The following SMCHD1 variants were observed in gnomAD, a reference collection of about 807,000 sequenced individuals.
SMCHD1 encodes structural maintenance of chromosomes flexible hinge domain containing 1.
In SMCHD1, 78 loss-of-function variants were observed where a neutral mutation model predicts 254.7. That is an observed-to-expected ratio of 0.31 (90% CI 0.26 to 0.37). SMCHD1 has a LOEUF of 0.37. SMCHD1 is among the 10% of genes least tolerant of loss of function. The pLI, the probability that SMCHD1 is intolerant of heterozygous loss-of-function variation, is 1.00. For missense variants in SMCHD1, 1,840 were observed against 2,408.1 expected (o/e 0.76, Z 4.94); for synonymous variants, 766 against 794.9 (o/e 0.96, Z 0.61).
At chr18:2,727,271 A>G (rs998272798) in intron 22 of SMCHD1, 2 of 152,140 alleles carry the variant, frequency 1.3e-5, no homozygotes, top group Non-Finnish European at 2.9e-5. Flanking sequence ...TAACTCTCAT[A>G]TGAAAGATAC....
chr18:2,758,159 A>G (rs1460821506), intron 34 of SMCHD1, among the ~76,000 whole-genome samples: 1 of 152,186 alleles, frequency 6.6e-6, no homozygotes, highest in African/African-American at 2.4e-5. Context: ...TAGGTCTTAC[A>G]TATACCAATT....
chr18:2,732,580 C>T (rs2075163998), intron 25 of SMCHD1, 88 bp downstream of exon 25: 1 of 769,548 alleles, frequency 1.3e-6, no homozygotes, highest in African/African-American at 1.8e-5. Context: ...TGGGTAGCAT[C>T]TAAAAAAGAA....
intron 17 of SMCHD1, among the ~76,000 whole-genome samples, chr18:2,717,117 A>G (rs2074817963): frequency 6.6e-6 from 1 of 152,156 alleles, no homozygotes; most frequent in Non-Finnish European, 1.5e-5. Flanking sequence ...GCTGTGACTT[A>G]GGATCGGGAA....
rs1030602927 is a variant in SMCHD1, at chr18:2,804,045, C to T, written c.*1493C>T. On this transcript the variant is annotated 3_prime_UTR_variant, in exon 48 of 48. Transcript: ENST00000320876. ...GTTTCTGACTTTTAGATTAGGGATA[C>T]TCACCCCGTACCAATATTTGGAGTC... The T allele has an allele frequency of 1.8e-4, 28 of 152,088 alleles. No homozygotes were observed. The highest frequency in any genetic ancestry group is 6.8e-4 in the African/African-American group (28 of 41,392). The allele number at this position is 152,088 out of a possible 1,614,324, so 9.4% of individuals were successfully genotyped here.
chr18:2,742,614 A>G (rs1034877878), intron 28 of SMCHD1, among the ~76,000 whole-genome samples: 1 of 152,218 alleles, frequency 6.6e-6, no homozygotes. Flanking sequence ...TTTACATAAA[A>G]TATTCTGTTC....
At chr18:2,713,995 G>A (rs1039436939) in intron 17 of SMCHD1, among the ~76,000 whole-genome samples, 2 of 152,188 alleles carry the variant, frequency 1.3e-5, no homozygotes, top group African/African-American at 4.8e-5. Context: ...TTGTGTAAAT[G>A]TTTGCTTAGG....
rs905540544 is a variant in SMCHD1 at position 2,722,378 on chromosome 18, G to A, written c.2459-141G>A. On this transcript the variant is annotated intron_variant, in intron 19 of 47. Coordinates refer to ENST00000320876, the MANE Select transcript of SMCHD1 (RefSeq NM_015295.3). ...TGTCTGCATAACATATAATTTTTGCGCTGATTTTAAAATGTTATTTTTAGC... is the reference window on the plus strand; with the variant it reads ...TGTCTGCATAACATATAATTTTTGCACTGATTTTAAAATGTTATTTTTAGC... The A allele has an allele frequency of 1.1e-4, 80 of 701,796 alleles. 1 individual carries two copies. In the Admixed American group the frequency reaches 1.8e-3, roughly 15 times the overall value. The allele number at this position is 701,796 out of a possible 1,614,324, so 43.5% of individuals were successfully genotyped here. A position where few individuals can be genotyped will look rare whatever the true frequency, so the allele number is the denominator to read the frequency against.
intron 47 of SMCHD1, chr18:2,801,111 G>C (rs1343200931): frequency 1.3e-5 from 2 of 152,154 alleles, no homozygotes; most frequent in African/African-American, 4.8e-5. Flanking sequence ...TAGGAATCTA[G>C]AAAGAAGAAA....
At chr18:2,759,571 C>CTTTTTTTTTTT (rs61159403) in intron 34 of SMCHD1, among the ~76,000 whole-genome samples, 1,457 of 69,354 alleles carry the variant, frequency 0.021, 142 homozygotes, top group Middle Eastern at 0.083. Flanking sequence ...TTAATTCTCT[C>CTTTTTTTTTTT]TTTTTTTTTT....
rs778451021 is a variant in SMCHD1, at chr18:2,739,435, A to G, written c.3429A>G (p.Pro1143=). The stretch of plus-strand genomic sequence containing the variant: ...CTAACTTGTTAAACAATTTCAGACC[A>G]CTTCCTGATGAACCTAAACATTTAA... ...VSLESAFTVR[P]LPDEPKHLKC... is the part of the protein sequence containing the mutation. Residue 1143 remains proline, a synonymous_variant, in exon 27 of 48, where the codon CCA becomes CCG. Coordinates refer to ENST00000320876, the MANE Select transcript of SMCHD1 (RefSeq NM_015295.3). 1.2e-6 allele frequency: 2 copies of G among 1,612,792 alleles called. No individual in the cohort carries two copies. Among genetic ancestry groups the G allele is most frequent in the South Asian group, 1.1e-5 (1 of 91,038 alleles).
chr18:2,734,174 T>C (rs910020726), intron 25 of SMCHD1, among the ~76,000 whole-genome samples: 3 of 152,210 alleles, frequency 2.0e-5, no homozygotes, highest in Non-Finnish European at 1.5e-5. Flanking sequence ...ATAGAAATAA[T>C]TCTGATTCTG....
chr18:2,709,884 A>C (rs1028564821), intron 17 of SMCHD1, among the ~76,000 whole-genome samples: 1 of 152,212 alleles, frequency 6.6e-6, no homozygotes, highest in Non-Finnish European at 1.5e-5. Context: ...ACTGTGATGC[A>C]CAAAACTTTT....
intron 41 of SMCHD1, among the ~76,000 whole-genome samples, chr18:2,773,908 G>A (rs1347486685): frequency 6.6e-6 from 1 of 152,104 alleles, no homozygotes; most frequent in Admixed American, 6.6e-5. Context: ...GAGTGACAGA[G>A]CGAGACTCTG....
At chr18:2,757,639 T>C (rs1187049542) in intron 34 of SMCHD1, among the ~76,000 whole-genome samples, 1 of 152,140 alleles carries the variant, frequency 6.6e-6, no homozygotes, top group Admixed American at 6.6e-5. Flanking sequence ...TTAGTTGTTA[T>C]TTGTTTTTGT....
intron 5 of SMCHD1, among the ~76,000 whole-genome samples, chr18:2,684,692 G>A (rs2073999989): frequency 3.6e-5 from 2 of 56,108 alleles, no homozygotes; most frequent in African/African-American, 8.5e-5. Context: ...CTGCCTTATT[G>A]CAGATTCAGT....
intron 47 of SMCHD1, among the ~76,000 whole-genome samples, chr18:2,799,229 C>T (rs943800654): frequency 1.4e-4 from 21 of 151,976 alleles, no homozygotes; most frequent in African/African-American, 3.9e-4. Context: ...ATGTAAACAA[C>T]GTTAAAAATG....
In SMCHD1 at chr18:2,666,198, A is replaced by T; in HGVS notation, c.228A>T (p.Thr76=). ...CTGAAGAAAAATTTGTTATTACAAC[A>T]ACAAGTAGGAAAGAAATTACCTGTG... ...ISPEEKFVIT[T]TSRKEITCDN... The change falls in exon 2 of 48, where the codon ACA becomes ACT. Residue 76 remains threonine (T), a synonymous_variant. Coordinates refer to ENST00000320876, the MANE Select transcript of SMCHD1 (RefSeq NM_015295.3). 1 of 1,557,928 alleles carries T rather than the reference A, an allele frequency of 6.4e-7. No individual in the cohort carries two copies. The highest frequency in any genetic ancestry group is 1.4e-5 in the African/African-American group (1 of 73,968).
chr18:2,785,679 T>A (rs919907292), intron 45 of SMCHD1, among the ~76,000 whole-genome samples: 2 of 140,108 alleles, frequency 1.4e-5, no homozygotes, highest in Non-Finnish European at 3.1e-5. Flanking sequence ...AAACAGTTCA[T>A]TGGTGTTAAG....
intron 44 of SMCHD1, among the ~76,000 whole-genome samples, chr18:2,783,384 T>TTGTG (rs368938014): frequency 1.3e-5 from 2 of 151,846 alleles, no homozygotes; most frequent in Non-Finnish European, 2.9e-5. Flanking sequence ...CCCACCAAAG[T>TTGTG]TGTGTGTGTG....
Sources: allele counts gnomAD v4.1 joint callset (sites outside exome capture counted in the v4.1 genomes callset), GRCh38; gene constraint gnomAD v4.1.1; transcripts MANE v1.5; gene names NCBI Gene and HGNC (gene_info 2026-07-23, HGNC 2026-07-21).